Variants in CCSER1 observed in about 807,000 individuals in gnomAD.
CCSER1 encodes the protein coiled-coil serine rich protein 1.
Under a neutral mutation model 82.0 loss-of-function variants are expected in CCSER1, and 41 were observed. The observed-to-expected ratio is 0.50, with a 90% CI of 0.39 to 0.65. CCSER1 has a LOEUF of 0.65. CCSER1 is among the 30% of genes least tolerant of loss of function. The probability of loss-of-function intolerance (pLI) is 0.00; values close to 1 mark genes in which losing one functional copy is unlikely to be tolerated. For missense variants in CCSER1, 1,119 were observed against 1,064.2 expected, an observed-to-expected ratio of 1.05 and a Z score of -0.72; for synonymous variants, 414 against 383.9, an observed-to-expected ratio of 1.08 and a Z score of -0.92.
intron 5 of CCSER1, among the ~76,000 whole-genome samples, chr4:90,572,694 A>G (rs947848468): frequency 1.3e-5 from 2 of 151,818 alleles, no homozygotes; most frequent in Non-Finnish European, 1.5e-5. Context: ...TTAAAAGTAT[A>G]TGTTCATTAA....
chr4:90,213,795 T>G (rs1740495044), intron 1 of CCSER1, among the ~76,000 whole-genome samples: 2 of 152,186 alleles, frequency 1.3e-5, no homozygotes, highest in South Asian at 2.1e-4. Context: ...CTTAGCAATA[T>G]GAAGATCATT....
At chr4:91,217,933 A>T (rs1737394187) in intron 10 of CCSER1, among the ~76,000 whole-genome samples, 1 of 152,230 alleles carries the variant, frequency 6.6e-6, no homozygotes, top group African/African-American at 2.4e-5. Context: ...CCGGGGCTGC[A>T]GGTGGAGCTG....
At chr4:91,079,673 C>A (rs1022168078) in intron 9 of CCSER1, among the ~76,000 whole-genome samples, 1 of 152,132 alleles carries the variant, frequency 6.6e-6, no homozygotes, top group African/African-American at 2.4e-5. Context: ...TCAGGAGACC[C>A]ATCTCACATG....
chr4:91,259,594 C>A (rs1044104198), intron 10 of CCSER1, among the ~76,000 whole-genome samples: 15 of 151,792 alleles, frequency 9.9e-5, no homozygotes, highest in Admixed American at 2.6e-4. Flanking sequence ...CTCCCCTAGC[C>A]CCCCACCCTC....
At chr4:90,817,227 C>T (rs1277066962) in intron 8 of CCSER1, among the ~76,000 whole-genome samples, 2 of 151,910 alleles carry the variant, frequency 1.3e-5, no homozygotes, top group African/African-American at 4.8e-5. Flanking sequence ...ATATTTATTG[C>T]ATAATGGTTA....
chr4:90,760,926 A>G (rs1048730055), intron 7 of CCSER1, among the ~76,000 whole-genome samples: 1 of 152,140 alleles, frequency 6.6e-6, no homozygotes, highest in African/African-American at 2.4e-5. Context: ...CTGCAGGAAT[A>G]AAGAGTAAGT....
chr4:90,596,661 A>G (rs762644997), intron 5 of CCSER1, among the ~76,000 whole-genome samples: 23 of 151,886 alleles, frequency 1.5e-4, no homozygotes, highest in Non-Finnish European at 1.0e-4. Flanking sequence ...TTCTCTTGTT[A>G]CTGATAAGTT....
chr4:91,123,070 T>A (rs1383052741), intron 10 of CCSER1, among the ~76,000 whole-genome samples: 1 of 151,776 alleles, frequency 6.6e-6, no homozygotes, highest in Non-Finnish European at 1.5e-5. Flanking sequence ...GGGCCTTTAT[T>A]ATGCTGCAAT....
chr4:90,239,181 T>C (rs1051598347), intron 1 of CCSER1, among the ~76,000 whole-genome samples: 1 of 152,272 alleles, frequency 6.6e-6, no homozygotes, highest in African/African-American at 2.4e-5. Flanking sequence ...AACACATTTT[T>C]TGAGTAGTTG....
chr4:91,439,681 G>A (rs934152903), intron 10 of CCSER1, among the ~76,000 whole-genome samples: 1 of 152,030 alleles, frequency 6.6e-6, no homozygotes, highest in Non-Finnish European at 1.5e-5. Context: ...ATTGGATAAA[G>A]AGTCAAGACC....
At chr4:91,106,192 G>T (rs1194910299) in intron 10 of CCSER1, among the ~76,000 whole-genome samples, 1 of 152,182 alleles carries the variant, frequency 6.6e-6, no homozygotes. Flanking sequence ...AGGTGTTGTT[G>T]TAAGCACTTT....
chr4:90,878,602 T>G (rs1424378962), intron 8 of CCSER1, among the ~76,000 whole-genome samples: 1 of 152,114 alleles, frequency 6.6e-6, no homozygotes, highest in Non-Finnish European at 1.5e-5. Flanking sequence ...TATGTTCTCA[T>G]ACCCCTACCC....
At position 91,071,851 on chromosome 4, in the gene CCSER1, C is replaced by G. The variant is rs553055674; in HGVS notation, c.2173-14099C>G. Among the ~76,000 whole-genome samples the G allele has an allele frequency of 1.5e-4, 23 of 152,254 alleles. No individual in the cohort carries two copies. In the South Asian group the frequency reaches 4.3e-3, roughly 29 times the overall value. On this transcript the variant is annotated intron_variant, in intron 9 of 10. Coordinates refer to ENST00000509176, the MANE Select transcript of CCSER1 (RefSeq NM_001145065.2). ...GACTGTTTACCACCATGATTGCATGCTAAATCAACATGCCTTTCACTGACA... is the reference window on the plus strand; with the variant it reads ...GACTGTTTACCACCATGATTGCATGGTAAATCAACATGCCTTTCACTGACA...
chr4:90,985,675 C>G (rs1448608043), intron 9 of CCSER1, among the ~76,000 whole-genome samples: 4 of 151,574 alleles, frequency 2.6e-5, no homozygotes, highest in Non-Finnish European at 5.9e-5. Context: ...TATTATACGT[C>G]ATCTGAATGG....
chr4:90,889,520 G>A (rs185158701), intron 8 of CCSER1, among the ~76,000 whole-genome samples: 2 of 152,190 alleles, frequency 1.3e-5, no homozygotes, highest in Admixed American at 1.3e-4. Flanking sequence ...CACAAAAACA[G>A]GAATGGAGAA....
At chr4:90,451,757 C>T (rs139875056) in intron 4 of CCSER1, among the ~76,000 whole-genome samples, 73 of 152,284 alleles carry the variant, frequency 4.8e-4, no homozygotes, top group African/African-American at 1.7e-3. Flanking sequence ...ATATGAGGCC[C>T]TCTTGCTGCC....
chr4:91,443,647 A>T (rs1480010647), intron 10 of CCSER1, among the ~76,000 whole-genome samples: 2 of 150,666 alleles, frequency 1.3e-5, no homozygotes, highest in Non-Finnish European at 3.0e-5. Context: ...TAAAACTTAA[A>T]GTATAATAAT....
Position 91,054,333 on chromosome 4 carries a change from T to G in CCSER1, c.2173-31617T>G, listed in dbSNP as rs1334329597. Among the ~76,000 whole-genome samples the G allele has an allele frequency of 3.3e-5, 5 of 152,208 alleles. No individual in the cohort carries two copies. The East Asian group carries it at 9.6e-4, about 29-fold the overall frequency. ...CACCTTGAAGGCTCAGGTACTCTTT[T>G]GTTAAATCAACATCTTTTCAGCTTA... On this transcript the variant is annotated intron_variant, in intron 9 of 10. Transcript: ENST00000509176.
intron 3 of CCSER1, among the ~76,000 whole-genome samples, chr4:90,383,972 A>T (rs1749615529): frequency 6.6e-6 from 1 of 151,464 alleles, no homozygotes; most frequent in South Asian, 2.1e-4. Context: ...TATGTTGTCC[A>T]GGCTGCGCTT....
Sources: allele counts gnomAD v4.1 joint callset (sites outside exome capture counted in the v4.1 genomes callset), GRCh38; gene constraint gnomAD v4.1.1; transcripts MANE v1.5; gene names NCBI Gene and HGNC (gene_info 2026-07-23, HGNC 2026-07-21).